Variants in GAS2 observed in about 807,000 individuals in gnomAD.
GAS2 encodes the protein growth arrest specific 2.
A neutral mutation model predicts 37.5 loss-of-function variants in GAS2; 20 were observed. That is an observed-to-expected ratio of 0.53 (90% CI 0.37 to 0.77). The LOEUF (loss-of-function observed/expected upper bound fraction) is 0.77. Among genes scored for constraint, GAS2 ranks in the 30% least tolerant of loss-of-function variants. The pLI is 0.00. For synonymous variants in GAS2, 144 were observed against 132.2 expected (o/e 1.09, Z -0.61); for missense variants, 336 against 373.4 (o/e 0.90, Z 0.82).
chr11:22,650,107 G>T (rs1366246901), intron 1 of GAS2, among the ~76,000 whole-genome samples: 2 of 151,634 alleles, frequency 1.3e-5, no homozygotes, highest in Admixed American at 6.6e-5. Flanking sequence ...CAGAGATTCT[G>T]GTATGTTGTG....
chr11:22,713,185 A>G (rs1314435620), intron 3 of GAS2, among the ~76,000 whole-genome samples: 3 of 151,956 alleles, frequency 2.0e-5, no homozygotes, highest in Admixed American at 6.6e-5. Context: ...ACTTCTGGAA[A>G]TGAGTGTCAC....
At chr11:22,800,752 C>A (rs1489392601) in intron 7 of GAS2, among the ~76,000 whole-genome samples, 1 of 152,102 alleles carries the variant, frequency 6.6e-6, no homozygotes, top group Non-Finnish European at 1.5e-5. Flanking sequence ...GACATTCAAG[C>A]AGATCTATGC....
At chr11:22,768,306 G>T (rs1314184345) in intron 7 of GAS2, among the ~76,000 whole-genome samples, 1 of 152,120 alleles carries the variant, frequency 6.6e-6, no homozygotes, top group Non-Finnish European at 1.5e-5. Flanking sequence ...AAAAGCCCTG[G>T]CAAGGTATTT....
In GAS2 at chr11:22,646,535, A is replaced by G. The variant is rs189231226; in HGVS notation, c.-21+20722A>G. ...TTTGGTATATAATCAAGGAACATAA[A>G]CTGTGATACCCAGATGACAGGGAGT... On this transcript the variant is annotated intron_variant, in intron 1 of 5. Coordinates refer to the GAS2 transcript ENST00000528582. Among the ~76,000 whole-genome samples, 8 of 152,344 alleles carry G rather than the reference A, an allele frequency of 5.3e-5. No individual in the cohort carries two copies. In the East Asian group the frequency reaches 1.5e-3, roughly 29 times the overall value.
intron 2 of GAS2, among the ~76,000 whole-genome samples, chr11:22,680,112 C>T (rs1200495205): frequency 6.6e-6 from 1 of 152,060 alleles, no homozygotes. Context: ...GAACAGCTTG[C>T]TTTTCTTTTT....
intron 2 of GAS2, 82 bp downstream of exon 2, chr11:22,675,096 C>T (rs935361684): frequency 1.3e-5 from 17 of 1,309,992 alleles, no homozygotes; most frequent in Non-Finnish European, 1.8e-5. Flanking sequence ...TTCACCTAAG[C>T]ATGTGATAGC....
intron 3 of GAS2, among the ~76,000 whole-genome samples, chr11:22,711,127 C>T (rs1225007552): frequency 6.6e-6 from 1 of 152,136 alleles, no homozygotes; most frequent in Non-Finnish European, 1.5e-5. Flanking sequence ...TGCCATTAGA[C>T]AGCTGAAAAA....
At chr11:22,690,433 T>C (rs549197550) in intron 3 of GAS2, among the ~76,000 whole-genome samples, 1 of 152,184 alleles carries the variant, frequency 6.6e-6, no homozygotes, top group East Asian at 1.9e-4. Flanking sequence ...GTAGTTAACC[T>C]TAGCCTTTGT....
intron 7 of GAS2, among the ~76,000 whole-genome samples, chr11:22,768,294 A>G (rs1476403605): frequency 3.9e-5 from 6 of 152,246 alleles, no homozygotes; most frequent in African/African-American, 9.6e-5. Flanking sequence ...CAAAATGACA[A>G]CAAAAGCCCT....
At chr11:22,632,688 A>G (rs530295941) in intron 1 of GAS2, among the ~76,000 whole-genome samples, 82 of 151,956 alleles carry the variant, frequency 5.4e-4, no homozygotes, top group African/African-American at 1.9e-3. Flanking sequence ...AGGAGCATCA[A>G]TAATTCTTAG....
chr11:22,645,620 A>C lies in GAS2; in HGVS notation c.-21+19807A>C, dbSNP rs1022718773. 7.2e-5 allele frequency among the ~76,000 whole-genome samples: 11 copies of C among 152,014 alleles called. No homozygotes were observed. In the South Asian group the frequency reaches 1.0e-3, roughly 14 times the overall value. ...AAATTTTCAGAGAGCTGTTGTTCTA[A>C]ATAATATTCTTATTAAAATATTACA... On this transcript the variant is annotated intron_variant, in intron 1 of 5. Coordinates refer to the GAS2 transcript ENST00000528582.
intron 4 of GAS2, among the ~76,000 whole-genome samples, chr11:22,729,944 T>C (rs1441741475): frequency 6.6e-6 from 1 of 151,776 alleles, no homozygotes; most frequent in East Asian, 1.9e-4. Context: ...ATTAAGTTGT[T>C]CTGCTTCCAA....
At chr11:22,727,876 A>G (rs1465368462) in intron 4 of GAS2, among the ~76,000 whole-genome samples, 1 of 151,994 alleles carries the variant, frequency 6.6e-6, no homozygotes, top group Non-Finnish European at 1.5e-5. Context: ...GGGGGTGTAA[A>G]AGAATTATTT....
chr11:22,724,983 G>C (rs963020471), intron 3 of GAS2, among the ~76,000 whole-genome samples: 1 of 151,666 alleles, frequency 6.6e-6, no homozygotes, highest in African/African-American at 2.4e-5. Context: ...TGTATTTAAG[G>C]GTTCACTGTG....
rs1849366170 is a variant in GAS2 at position 22,675,147 on chromosome 11, T to C, written c.145+133T>C. The stretch of plus-strand genomic sequence containing the variant: ...ACTTTTATTATTTGACATTTGCATC[T>C]GGGAAACCTGAAGCAGGTGGAAAAT... On this transcript the variant is annotated intron_variant, in intron 2 of 7. Transcript: ENST00000454584. The C allele has an allele frequency of 1.5e-5, 13 of 878,102 alleles. No individual in the cohort carries two copies. In the East Asian group the frequency reaches 3.6e-4, roughly 24 times the overall value. 54.4% of individuals were successfully genotyped at this position (878,102 alleles called of 1,614,324 possible).
intron 1 of GAS2, among the ~76,000 whole-genome samples, chr11:22,635,021 A>T (rs995212343): frequency 6.6e-5 from 10 of 152,154 alleles, no homozygotes; most frequent in Non-Finnish European, 1.5e-4. Flanking sequence ...CAGATGCTGT[A>T]ATGGACTGTG....
intron 7 of GAS2, among the ~76,000 whole-genome samples, chr11:22,767,385 G>T (rs750413479): frequency 2.6e-5 from 4 of 151,876 alleles, no homozygotes; most frequent in Non-Finnish European, 4.4e-5. Context: ...AATGAAAATA[G>T]TTCTTCACTG....
chr11:22,691,836 C>T (rs186819941), intron 3 of GAS2, among the ~76,000 whole-genome samples: 1,817 of 152,162 alleles, frequency 0.012, 37 homozygotes, highest in African/African-American at 0.042. Flanking sequence ...TTTGTAATTG[C>T]TTCCTGAGGT....
chr11:22,778,133 T>C (rs1186539130), intron 7 of GAS2, among the ~76,000 whole-genome samples: 1 of 152,214 alleles, frequency 6.6e-6, no homozygotes, highest in African/African-American at 2.4e-5. Context: ...AGTTGAAAAG[T>C]AATCTTTCCA....
Sources: gnomAD v4.1 joint callset for allele counts (sites outside exome capture counted in the v4.1 genomes callset) on GRCh38, gnomAD v4.1.1 for gene constraint, MANE v1.5 for transcripts, NCBI Gene and HGNC (gene_info 2026-07-23, HGNC 2026-07-21) for gene names.